Variants in MYO16 observed in about 807,000 individuals in gnomAD.
MYO16 encodes the protein myosin XVI.
MYO16 carries 94 observed loss-of-function variants against 205.3 expected under a neutral mutation model. The ratio of observed to expected loss-of-function variants is 0.46; its 90% CI spans 0.39 to 0.54. The LOEUF (loss-of-function observed/expected upper bound fraction) is 0.54, where lower values mean the gene tolerates loss of function less well. Among genes scored for constraint, MYO16 ranks in the 20% least tolerant of loss-of-function variants. The pLI, the probability that MYO16 is intolerant of heterozygous loss-of-function variation, is 0.00. For synonymous variants in MYO16, 988 were observed against 954.0 expected, an observed-to-expected ratio of 1.04 and a Z score of -0.66; for missense variants, 2,315 against 2,387.5, an observed-to-expected ratio of 0.97 and a Z score of 0.63.
intron 9 of MYO16, among the ~76,000 whole-genome samples, chr13:108,826,074 A>C (rs532944927): frequency 6.6e-6 from 1 of 152,106 alleles, no homozygotes; most frequent in Non-Finnish European, 1.5e-5. Context: ...TGATAGGCCA[A>C]TATTTAAAAT....
chr13:108,708,958 G>A (rs1276388450), intron 2 of MYO16, among the ~76,000 whole-genome samples: 1 of 152,100 alleles, frequency 6.6e-6, no homozygotes, highest in Non-Finnish European at 1.5e-5. Flanking sequence ...AAAATTTGGA[G>A]AATGAATGTT....
At chr13:109,088,023 T>C (rs1489246855) in intron 27 of MYO16, among the ~76,000 whole-genome samples, 1 of 152,140 alleles carries the variant, frequency 6.6e-6, no homozygotes, top group African/African-American at 2.4e-5. Flanking sequence ...AGATATCGAT[T>C]TGAATGTACA....
intron 4 of MYO16, among the ~76,000 whole-genome samples, chr13:108,781,391 T>G (rs1324061554): frequency 6.6e-6 from 1 of 151,896 alleles, no homozygotes; most frequent in Non-Finnish European, 1.5e-5. Flanking sequence ...ACTAGGGAGG[T>G]GGGGTGGCAT....
Position 108,653,458 on chromosome 13 carries a change from C to A in MYO16, c.29-12428C>A, listed in dbSNP as rs542499448. The stretch of plus-strand genomic sequence containing the variant: ...TTGGTGTCATAGCTAGAATTCATTG[C>A]CAAGTCCAATGTCATAAATGTCATA... On this transcript the variant is annotated intron_variant, in intron 1 of 34. Coordinates refer to ENST00000457511, the MANE Select transcript of MYO16 (RefSeq NM_001198950.3). 4.1e-4 allele frequency among the ~76,000 whole-genome samples: 63 copies of A among 152,116 alleles called. 1 individual carries two copies. The highest frequency in any genetic ancestry group is 1.3e-3 in the African/African-American group (52 of 41,504).
chr13:109,065,268 GA>G (rs1027121202), intron 27 of MYO16, among the ~76,000 whole-genome samples: 1 of 152,096 alleles, frequency 6.6e-6, no homozygotes, highest in African/African-American at 2.4e-5. Context: ...CAAAGCACTT[GA>G]AACCAACCCA....
intron 3 of MYO16, among the ~76,000 whole-genome samples, chr13:108,719,442 G>C (rs181327781): frequency 2.0e-5 from 3 of 152,146 alleles, no homozygotes; most frequent in African/African-American, 4.8e-5. Context: ...CACTCAGGCT[G>C]TTTCTTACTT....
chr13:108,761,533 G>T lies in MYO16; in HGVS notation c.508-24102G>T, dbSNP rs140661203. On this transcript the variant is annotated intron_variant, in intron 4 of 34. Coordinates refer to ENST00000457511, the MANE Select transcript of MYO16 (RefSeq NM_001198950.3). Reference sequence around the variant, plus strand: ...TAGCGAAAGTATAGGAGGGCAGCATGTTGGAGACTTTCAATCTGAGATTGG... The same window carrying T: ...TAGCGAAAGTATAGGAGGGCAGCATTTTGGAGACTTTCAATCTGAGATTGG... Among the ~76,000 whole-genome samples the T allele has an allele frequency of 1.5e-4, 23 of 152,292 alleles. No individual in the cohort carries two copies. In the East Asian group the frequency reaches 4.4e-3, roughly 29 times the overall value.
intron 14 of MYO16, 68 bp from the exon 15 acceptor site, chr13:108,897,948 C>A: frequency 8.4e-7 from 1 of 1,191,706 alleles, no homozygotes; most frequent in South Asian, 1.2e-5. Flanking sequence ...ACTGCATCGT[C>A]GCTATTACTC....
chr13:108,906,482 A>G (rs1019401731), intron 15 of MYO16, among the ~76,000 whole-genome samples: 14 of 152,334 alleles, frequency 9.2e-5, no homozygotes, highest in South Asian at 2.1e-4. Context: ...TAGAGGTGTA[A>G]TAACAGATGA....
intron 4 of MYO16, among the ~76,000 whole-genome samples, chr13:108,754,298 A>G (rs1885350315): frequency 6.6e-6 from 1 of 152,208 alleles, no homozygotes; most frequent in African/African-American, 2.4e-5. Context: ...AACAAGCTGT[A>G]GCATGCAGGA....
rs565181568 is a variant in MYO16, at chr13:109,074,022, G to A, written c.3335+18427G>A. Among the ~76,000 whole-genome samples the A allele has an allele frequency of 2.0e-5, 3 of 147,784 alleles. No homozygotes were observed. In the South Asian group the frequency reaches 6.7e-4, roughly 33 times the overall value. Reference sequence around the variant, plus strand: ...ATACATCAGAAGGAGAAACCATTTTGGTTTTGATGGTAGTCATCCAGGACA... The same window carrying A: ...ATACATCAGAAGGAGAAACCATTTTAGTTTTGATGGTAGTCATCCAGGACA... On this transcript the variant is annotated intron_variant, in intron 27 of 34. Transcript: ENST00000457511.
chr13:108,839,179 C>G (rs990952366), intron 9 of MYO16, among the ~76,000 whole-genome samples: 2 of 152,120 alleles, frequency 1.3e-5, no homozygotes, highest in South Asian at 2.1e-4. Context: ...GCTCATGCCT[C>G]TCTTCCTCTT....
chr13:108,594,389 C>G (rs1878483049), upstream of MYO16, among the ~76,000 whole-genome samples: 1 of 151,890 alleles, frequency 6.6e-6, no homozygotes, highest in Non-Finnish European at 1.5e-5. Context: ...GGTGTCCCTG[C>G]AGGTCGCAGG....
intron 21 of MYO16, among the ~76,000 whole-genome samples, chr13:109,007,304 T>C (rs570380505): frequency 1.4e-4 from 21 of 151,140 alleles, no homozygotes; most frequent in South Asian, 8.4e-4. Context: ...AGGATAATGG[T>C]GTGAACCCGT....
chr13:108,777,363 C>T (rs751086265), intron 4 of MYO16, among the ~76,000 whole-genome samples: 36 of 151,948 alleles, frequency 2.4e-4, no homozygotes, highest in Non-Finnish European at 5.3e-4. Context: ...ATTACAAAGG[C>T]GGGGGGTAAA....
rs1437795830 is a variant in MYO16 at position 108,992,274 on chromosome 13, A to G, written c.2370-102A>G. On this transcript the variant is annotated intron_variant, in intron 20 of 34. Coordinates refer to ENST00000457511, the MANE Select transcript of MYO16 (RefSeq NM_001198950.3). ...CACATTTTTAGTCCAAATTGGCAGCAATGTGCTAAGTGGCTGGATTCTTCT... is the reference window on the plus strand; with the variant it reads ...CACATTTTTAGTCCAAATTGGCAGCGATGTGCTAAGTGGCTGGATTCTTCT... 4.5e-6 allele frequency: 3 copies of G among 667,586 alleles called. No homozygotes were observed. The Admixed American group carries it at 9.5e-5, about 21-fold the overall frequency. The allele number at this position is 667,586 out of a possible 1,614,324, so 41.4% of individuals were successfully genotyped here. A position where few individuals can be genotyped will look rare whatever the true frequency, so the allele number is the denominator to read the frequency against.
chr13:108,814,659 A>C (rs1440333688), intron 7 of MYO16, among the ~76,000 whole-genome samples: 1 of 152,220 alleles, frequency 6.6e-6, no homozygotes, highest in Non-Finnish European at 1.5e-5. Flanking sequence ...CTATAACATG[A>C]ATAAGTACTA....
chr13:109,047,666 A>T (rs985637327), intron 24 of MYO16, among the ~76,000 whole-genome samples: 2 of 152,022 alleles, frequency 1.3e-5, no homozygotes, highest in South Asian at 4.2e-4. Context: ...AGTGATTCAC[A>T]TTTTTCTAAT....
At chr13:108,987,084 A>G (rs1884666168) in intron 20 of MYO16, among the ~76,000 whole-genome samples, 1 of 152,210 alleles carries the variant, frequency 6.6e-6, no homozygotes, top group Non-Finnish European at 1.5e-5. Context: ...AAGTCTAATT[A>G]ACTGCAATGT....
Sources: gnomAD v4.1 joint callset for allele counts (sites outside exome capture counted in the v4.1 genomes callset) on GRCh38, gnomAD v4.1.1 for gene constraint, MANE v1.5 for transcripts, NCBI Gene and HGNC (gene_info 2026-07-23, HGNC 2026-07-21) for gene names.